The following SUMF1 variants were observed in gnomAD, a reference collection of about 807,000 sequenced individuals.
SUMF1 encodes sulfatase modifying factor 1.
Under a neutral mutation model 47.6 loss-of-function variants are expected in SUMF1, and 48 were observed. That is an observed-to-expected ratio of 1.01 (90% CI 0.80 to 1.28). The LOEUF (loss-of-function observed/expected upper bound fraction) is 1.28. Among genes scored for constraint, SUMF1 ranks in the 50% most tolerant of loss-of-function variants. The pLI is 0.00. For synonymous variants in SUMF1, 230 were observed against 192.1 expected, an observed-to-expected ratio of 1.20 and a Z score of -1.63; for missense variants, 571 against 485.4, an observed-to-expected ratio of 1.18 and a Z score of -1.66.
At chr3:4,228,571 G>C (rs1165212757) in intron 8 of SUMF1, among the ~76,000 whole-genome samples, 1 of 152,094 alleles carries the variant, frequency 6.6e-6, no homozygotes, top group African/African-American at 2.4e-5. Flanking sequence ...CTGCTTCACT[G>C]CTTCCCTAGG....
At chr3:4,463,129 G>A (rs752334685) in intron 1 of SUMF1, among the ~76,000 whole-genome samples, 6 of 152,204 alleles carry the variant, frequency 3.9e-5, no homozygotes, top group African/African-American at 1.2e-4. Context: ...TATAAGGCAC[G>A]TGGGGGATAT....
chr3:4,340,973 T>C (rs62259857), intron 8 of SUMF1, among the ~76,000 whole-genome samples: 23,336 of 152,164 alleles, frequency 0.15, 1,836 homozygotes, highest in Middle Eastern at 0.23. Flanking sequence ...TACACAAACA[T>C]TGACTTTTCC....
At chr3:4,453,113 A>T in intron 1 of SUMF1, 64 bp from the exon 2 acceptor site, 1 of 1,535,906 alleles carries the variant, frequency 6.5e-7, no homozygotes, top group South Asian at 1.2e-5. Context: ...GTGTAGGGGT[A>T]AAGTTCCTAG....
intron 1 of SUMF1, among the ~76,000 whole-genome samples, chr3:4,462,436 A>G (rs78670199): frequency 0.11 from 17,126 of 152,222 alleles, 1,084 homozygotes; most frequent in East Asian, 0.22. Flanking sequence ...ATGCTGCCTG[A>G]GGCCCTGTAT....
In SUMF1 at chr3:4,366,443, C is replaced by G. The variant is rs1358590970; in HGVS notation, c.1015-4189G>C. On this transcript the variant is annotated intron_variant, in intron 8 of 8. Transcript: ENST00000272902. ...TTTATTCTTTTTTCTCTAAACTTCC[C>G]TTCTCGCTTCATTTCATTCATTTCA... 2.0e-5 allele frequency among the ~76,000 whole-genome samples: 3 copies of G among 151,792 alleles called. No individual in the cohort carries two copies. In the South Asian group the frequency reaches 6.3e-4, roughly 32 times the overall value.
At chr3:4,277,834 C>A (rs1697449965) in intron 8 of SUMF1, among the ~76,000 whole-genome samples, 1 of 151,984 alleles carries the variant, frequency 6.6e-6, no homozygotes, top group Non-Finnish European at 1.5e-5. Flanking sequence ...TCTGGGGTCT[C>A]CCATTTCCAC....
intron 3 of SUMF1, among the ~76,000 whole-genome samples, chr3:4,446,535 C>G (rs1339647503): frequency 6.6e-6 from 1 of 152,126 alleles, no homozygotes; most frequent in Non-Finnish European, 1.5e-5. Context: ...ATGATAGCCC[C>G]CAATGGATTA....
At chr3:4,106,218 G>A (rs1246776752) in intron 8 of SUMF1, among the ~76,000 whole-genome samples, 1 of 151,982 alleles carries the variant, frequency 6.6e-6, no homozygotes, top group Admixed American at 6.6e-5. Flanking sequence ...TGAGGTTTAG[G>A]CTATGTGATC....
chr3:4,316,587 G>A (rs1698660108), intron 8 of SUMF1: 1 of 1,551,434 alleles, frequency 6.4e-7, no homozygotes, highest in African/African-American at 1.4e-5. Context: ...TGAGCTGACT[G>A]AAAATCAAAA....
chr3:4,255,117 C>T (rs1696918679), intron 8 of SUMF1, among the ~76,000 whole-genome samples: 1 of 150,468 alleles, frequency 6.6e-6, no homozygotes, highest in Admixed American at 6.6e-5. Flanking sequence ...GAAGGAAGCA[C>T]TAAACATGGA....
chr3:4,253,437 T>G (rs6442878), intron 8 of SUMF1, among the ~76,000 whole-genome samples: 56,112 of 152,054 alleles, frequency 0.37, 11,113 homozygotes, highest in Non-Finnish European at 0.45. Context: ...GGGCGAGGCA[T>G]TGCCTCACCT....
intron 8 of SUMF1, among the ~76,000 whole-genome samples, chr3:4,112,275 T>G (rs1693325655): frequency 1.3e-5 from 2 of 152,142 alleles, no homozygotes; most frequent in Admixed American, 1.3e-4. Flanking sequence ...ACAAAACATT[T>G]CTAAGCCCAA....
At chr3:4,084,724 C>T (rs1692636458) in intron 8 of SUMF1, among the ~76,000 whole-genome samples, 2 of 151,956 alleles carry the variant, frequency 1.3e-5, no homozygotes, top group African/African-American at 4.8e-5. Flanking sequence ...AGTACCTTAT[C>T]CTTAATACTA....
intron 9 of SUMF1, among the ~76,000 whole-genome samples, chr3:4,054,600 A>C (rs975615934): frequency 6.6e-6 from 1 of 152,126 alleles, no homozygotes; most frequent in African/African-American, 2.4e-5. Flanking sequence ...TATCTGTCAC[A>C]GTCTTTTACC....
chr3:4,153,265 T>C (rs1049175888), intron 8 of SUMF1, among the ~76,000 whole-genome samples: 2 of 151,614 alleles, frequency 1.3e-5, no homozygotes, highest in African/African-American at 4.9e-5. Context: ...CAGGCTGGAA[T>C]GCAGTAAGCA....
intron 8 of SUMF1, among the ~76,000 whole-genome samples, chr3:4,199,857 G>C (rs78679479): frequency 6.6e-6 from 1 of 152,006 alleles, no homozygotes; most frequent in Admixed American, 6.6e-5. Flanking sequence ...AGGTCTTTTC[G>C]TACCTGGACA....
Position 4,456,878 on chromosome 3 carries a change from A to G in SUMF1, c.271-3829T>C, listed in dbSNP as rs868079227. ...TATATATATGTGTGTGTATATCTAT[A>G]TGTGTGTGTATATATATGTGTGTGT... On this transcript the variant is annotated intron_variant, in intron 1 of 8. Transcript: ENST00000272902. Among the ~76,000 whole-genome samples, 9 of 41,590 alleles carry G rather than the reference A, an allele frequency of 2.2e-4. No homozygotes were observed. In the South Asian group the frequency reaches 6.7e-3, roughly 31 times the overall value. 27.3% of individuals were successfully genotyped at this position (41,590 alleles called of 152,430 possible). A position where few individuals can be genotyped will look rare whatever the true frequency, so the allele number is the denominator to read the frequency against.
intron 3 of SUMF1, among the ~76,000 whole-genome samples, chr3:4,426,338 C>T (rs1366501805): frequency 1.3e-5 from 2 of 152,132 alleles, no homozygotes; most frequent in Non-Finnish European, 2.9e-5. Flanking sequence ...CAAAGTCACC[C>T]CACAACTGAG....
chr3:4,244,808 G>A (rs1458794074), intron 8 of SUMF1, among the ~76,000 whole-genome samples: 1 of 152,010 alleles, frequency 6.6e-6, no homozygotes, highest in Non-Finnish European at 1.5e-5. Context: ...TGCTAGGTTG[G>A]GGAAGTTCTC....
Sources: gnomAD v4.1 joint callset for allele counts (sites outside exome capture counted in the v4.1 genomes callset) on GRCh38, gnomAD v4.1.1 for gene constraint, MANE v1.5 for transcripts, NCBI Gene and HGNC (gene_info 2026-07-23, HGNC 2026-07-21) for gene names.